The following GSTA5 variants were observed in gnomAD, a reference collection of about 807,000 sequenced individuals.
GSTA5 encodes the protein glutathione S-transferase A5.
Under a neutral mutation model 21.8 loss-of-function variants are expected in GSTA5, and 25 were observed. The ratio of observed to expected loss-of-function variants is 1.14; its 90% CI spans 0.83 to 1.60. The LOEUF is 1.60. Ranked by LOEUF, GSTA5 falls within the 40% of genes most tolerant of loss-of-function variation. The probability of loss-of-function intolerance (pLI) is 0.00; values close to 1 mark genes in which losing one functional copy is unlikely to be tolerated. For missense variants in GSTA5, 330 were observed against 259.2 expected (o/e 1.27, Z -1.88); for synonymous variants, 102 against 89.5 (o/e 1.14, Z -0.78).
intron 4 of GSTA5, among the ~76,000 whole-genome samples, 185 bp downstream of exon 4, chr6:52,833,956 G>T (rs372513931): frequency 3.9e-5 from 6 of 152,142 alleles, no homozygotes; most frequent in Admixed American, 6.5e-5. Flanking sequence ...TCATAGCTTG[G>T]GTATAAGTGG....
chr6:52,833,190 C>T (rs540493767), intron 4 of GSTA5, among the ~76,000 whole-genome samples, 200 bp from the exon 5 acceptor site: 1 of 152,298 alleles, frequency 6.6e-6, no homozygotes, highest in South Asian at 2.1e-4. Context: ...GGTTGGAGGC[C>T]AGGCTACCAT....
At chr6:52,844,411 G>A (rs1422324881), upstream of GSTA5, among the ~76,000 whole-genome samples, 3 of 152,212 alleles carry the variant, frequency 2.0e-5, no homozygotes, top group East Asian at 5.8e-4. Context: ...AGTAATGAAA[G>A]TGTGTCTTTC....
Position 52,835,823 on chromosome 6 carries a change from C to G in GSTA5, c.272+413G>C, listed in dbSNP as rs74723947. Among the ~76,000 whole-genome samples, 199 of 152,256 alleles carry G rather than the reference C, an allele frequency of 1.3e-3. 1 individual carries two copies. Among genetic ancestry groups the G allele is most frequent in the Non-Finnish European group, 1.9e-3 (128 of 68,020 alleles). On this transcript the variant is annotated intron_variant, in intron 3 of 5. Transcript: ENST00000370989. Reference sequence around the variant, plus strand: ...TCATGATTCTTGGAATTACTGGGACCTGAGATTCAGCTTGTTTACAGCCTT... The same window carrying G: ...TCATGATTCTTGGAATTACTGGGACGTGAGATTCAGCTTGTTTACAGCCTT...
At chr6:52,833,016 G>C in intron 4 of GSTA5, 26 bp from the exon 5 acceptor site, 1 of 1,613,786 alleles carries the variant, frequency 6.2e-7, no homozygotes, top group Non-Finnish European at 8.5e-7. Context: ...AATCAGATCA[G>C]GAACACATGC....
At chr6:52,846,017 G>A in the GSTA5 span, 1 of 156,248 alleles carries the variant, frequency 6.4e-6, no homozygotes, top group African/African-American at 2.4e-5. Context: ...CTAGAGAGGA[G>A]CATGTGAGGC....
chr6:52,844,496 T>C (rs1026892725), upstream of GSTA5, among the ~76,000 whole-genome samples: 1 of 152,170 alleles, frequency 6.6e-6, no homozygotes, highest in Non-Finnish European at 1.5e-5. Context: ...AAAAATGGGC[T>C]TAATTTGAAA....
At chr6:52,834,849 G>A (rs1478177933) in intron 3 of GSTA5, among the ~76,000 whole-genome samples, 2 of 152,126 alleles carry the variant, frequency 1.3e-5, no homozygotes, top group Non-Finnish European at 2.9e-5. Flanking sequence ...CCCTCTCCAT[G>A]TGCTGTTGCC....
chr6:52,836,363 T>C, exon 3 of GSTA5: 1 of 1,613,004 alleles, frequency 6.2e-7, no homozygotes. Context: ...AACAGCAAAC[T>C]CCCATCTTAG....
intron 2 of GSTA5, among the ~76,000 whole-genome samples, chr6:52,836,778 C>G (rs1424677955): frequency 1.3e-5 from 2 of 152,224 alleles, no homozygotes; most frequent in Non-Finnish European, 2.9e-5. Flanking sequence ...TCTCGAAGAG[C>G]TGGGATTACA....
intron 2 of GSTA5, among the ~76,000 whole-genome samples, chr6:52,836,665 A>G (rs1380858196): frequency 6.6e-6 from 1 of 152,086 alleles, no homozygotes; most frequent in Non-Finnish European, 1.5e-5. Flanking sequence ...GCATGTGCCA[A>G]CATACCCAGC....
At chr6:52,837,152 G>GC (rs529315552) in intron 2 of GSTA5, among the ~76,000 whole-genome samples, 7 of 151,814 alleles carry the variant, frequency 4.6e-5, no homozygotes, top group African/African-American at 7.3e-5. Context: ...ACTTTGTCAC[G>GC]CCCCCCCATG....
exon 4 of GSTA5, chr6:52,834,201 A>C: frequency 5.6e-6 from 9 of 1,614,182 alleles, no homozygotes; most frequent in Non-Finnish European, 7.6e-6. Flanking sequence ...CAGTCTTGGC[A>C]TCTCTTTCCT....
intron 1 of GSTA5, among the ~76,000 whole-genome samples, chr6:52,838,311 G>A (rs1465728255): frequency 2.0e-4 from 30 of 152,168 alleles, no homozygotes; most frequent in Admixed American, 1.8e-3. Flanking sequence ...ACATGTTACC[G>A]AAACTCTCTG....
chr6:52,846,004 A>C, the GSTA5 span: 1 of 155,752 alleles, frequency 6.4e-6, no homozygotes, highest in Non-Finnish European at 1.4e-5. Context: ...TTTTTCTGGG[A>C]GGCTAGAGAG....
intron 2 of GSTA5, 56 bp downstream of exon 2, chr6:52,837,502 T>C: frequency 8.7e-7 from 1 of 1,153,222 alleles, no homozygotes; most frequent in Admixed American, 1.8e-5. Flanking sequence ...TGCTCAACGT[T>C]CCTCTGTACC....
At chr6:52,831,718 T>A in exon 6 of GSTA5, 1 of 1,076,986 alleles carries the variant, frequency 9.3e-7, no homozygotes, top group East Asian at 2.6e-5. Flanking sequence ...ATTTATTATT[T>A]AATTAGCATG....
chr6:52,840,633 G>T, intron 1 of GSTA5, 94 bp downstream of exon 1: 2 of 1,123,256 alleles, frequency 1.8e-6, no homozygotes, highest in Non-Finnish European at 2.7e-6. Flanking sequence ...AAGGCACAAT[G>T]CTTCAGTAAG....
chr6:52,832,985 T>G (rs1251244964), exon 5 of GSTA5: 1 of 1,613,896 alleles, frequency 6.2e-7, no homozygotes. Context: ...TGTGGCTCTT[T>G]AAGACCTGGA....
At chr6:52,834,081 C>T (rs1764256715) in intron 4 of GSTA5, 60 bp downstream of exon 4, 4 of 1,597,406 alleles carry the variant, frequency 2.5e-6, no homozygotes, top group African/African-American at 2.7e-5. Flanking sequence ...AATGCCCAGC[C>T]ACTATTTTTC....
Sources: allele counts gnomAD v4.1 joint callset (sites outside exome capture counted in the v4.1 genomes callset), GRCh38; gene constraint gnomAD v4.1.1; transcripts MANE v1.5; gene names NCBI Gene and HGNC (gene_info 2026-07-23, HGNC 2026-07-21).